The following BMP6 variants were observed in gnomAD, a reference collection of about 807,000 sequenced individuals.
BMP6 encodes the protein bone morphogenetic protein 6, also known as VG-1-R.
Under a neutral mutation model 54.1 loss-of-function variants are expected in BMP6, and 17 were observed. That is an observed-to-expected ratio of 0.31 (90% CI 0.22 to 0.47). BMP6 has a LOEUF of 0.47. Ranked by LOEUF, BMP6 falls within the 20% of genes least tolerant of loss-of-function variation. BMP6 has a pLI of 1.00. For synonymous variants in BMP6, 328 were observed against 291.2 expected (o/e 1.13, Z -1.28); for missense variants, 720 against 690.4 (o/e 1.04, Z -0.48).
intron 1 of BMP6, among the ~76,000 whole-genome samples, chr6:7,831,607 A>G (rs1444037218): frequency 6.6e-6 from 1 of 152,208 alleles, no homozygotes; most frequent in East Asian, 1.9e-4. Context: ...AAGTAATTTG[A>G]GTAGATTAAT....
intron 1 of BMP6, among the ~76,000 whole-genome samples, chr6:7,804,357 G>A (rs998278895): frequency 1.3e-5 from 2 of 151,756 alleles, no homozygotes; most frequent in African/African-American, 2.4e-5. Context: ...TTAGCCATCT[G>A]GCCATGCAAA....
Position 7,880,480 on chromosome 6 carries a change from G to A in BMP6, c.*137G>A, listed in dbSNP as rs1055560443. The A allele has an allele frequency of 1.7e-5, 21 of 1,229,342 alleles. 1 individual carries two copies. Among genetic ancestry groups the A allele is most frequent in the South Asian group, 1.6e-4 (11 of 68,974 alleles). The allele number at this position is 1,229,342 out of a possible 1,614,324, so 76.2% of individuals were successfully genotyped here. A position where few individuals can be genotyped will look rare whatever the true frequency, so the allele number is the denominator to read the frequency against. On this transcript the variant is annotated 3_prime_UTR_variant, in exon 7 of 7. Coordinates refer to ENST00000283147, the MANE Select transcript of BMP6 (RefSeq NM_001718.6). ...TCTCATGCCAGTGCCTTATTACCCA[G>A]GAAGATTTTAAAGGACCTCATTAAT...
intron 1 of BMP6, among the ~76,000 whole-genome samples, chr6:7,807,522 G>A (rs563348679): frequency 9.5e-4 from 144 of 152,120 alleles, no homozygotes; most frequent in African/African-American, 3.3e-3. Context: ...CTAGTGATCC[G>A]CCCACCTTGG....
chr6:7,782,355 G>A (rs1238491596), intron 1 of BMP6, among the ~76,000 whole-genome samples: 1 of 152,208 alleles, frequency 6.6e-6, no homozygotes, highest in African/African-American at 2.4e-5. Flanking sequence ...TTGGTTGACA[G>A]AGTTCTGGAG....
At chr6:7,834,492 ACAAAC>A (rs1758842521) in intron 1 of BMP6, among the ~76,000 whole-genome samples, 1 of 151,830 alleles carries the variant, frequency 6.6e-6, no homozygotes, top group Admixed American at 6.6e-5. Flanking sequence ...AAATGACAGC[ACAAAC>A]CAAACAAAAA....
chr6:7,738,846 G>A (rs1335734769), intron 1 of BMP6, among the ~76,000 whole-genome samples: 2 of 152,198 alleles, frequency 1.3e-5, no homozygotes, highest in Non-Finnish European at 2.9e-5. Context: ...AGCATCTCCT[G>A]TGCTAGGGAA....
intron 1 of BMP6, among the ~76,000 whole-genome samples, chr6:7,820,815 G>C (rs942205848): frequency 2.4e-4 from 36 of 152,168 alleles, no homozygotes; most frequent in Non-Finnish European, 4.7e-4. Flanking sequence ...CAGGTGGGGA[G>C]GGGGGTGGTT....
chr6:7,727,099 G>A lies in BMP6; in HGVS notation c.144G>A (p.Gly48=), dbSNP rs1761740867. ...AAGGQLLGDG[G]SPGRTEQPPP... ...GGGGGCAGCTGCTGGGGGACGGCGG[G>A]AGCCCCGGCCGCACGGAGCAGCCGC... The change falls in exon 1 of 7, where the codon GGG becomes GGA. Residue 48 remains glycine (G), a synonymous_variant. Transcript: ENST00000283147. 7.2e-7 allele frequency: 1 copy of A among 1,379,452 alleles called. No homozygotes were observed. The highest frequency in any genetic ancestry group is 9.4e-7 in the Non-Finnish European group (1 of 1,064,104). The allele number at this position is 1,379,452 out of a possible 1,614,324, so 85.5% of individuals were successfully genotyped here. A position where few individuals can be genotyped will look rare whatever the true frequency, so the allele number is the denominator to read the frequency against.
intron 1 of BMP6, among the ~76,000 whole-genome samples, chr6:7,832,208 A>T (rs894754113): frequency 6.6e-6 from 1 of 152,210 alleles, no homozygotes; most frequent in Non-Finnish European, 1.5e-5. Context: ...TTAAAGGAAG[A>T]TTTAAAATAT....
intron 1 of BMP6, among the ~76,000 whole-genome samples, chr6:7,804,871 CCAACGCTTTCTACAA>C (rs1758325553): frequency 7.0e-6 from 1 of 143,130 alleles, no homozygotes; most frequent in South Asian, 2.2e-4. Flanking sequence ...AGAATATTTT[CCAACGCTTTCTACAA>C]CTGATTTTTT....
intron 4 of BMP6, among the ~76,000 whole-genome samples, chr6:7,873,292 G>A (rs1759558354): frequency 6.6e-6 from 1 of 152,086 alleles, no homozygotes; most frequent in Admixed American, 6.6e-5. Flanking sequence ...TAATTTGCTG[G>A]AACAATTCAC....
intron 1 of BMP6, among the ~76,000 whole-genome samples, chr6:7,756,227 A>T (rs1185251619): frequency 6.6e-6 from 1 of 151,666 alleles, no homozygotes; most frequent in Non-Finnish European, 1.5e-5. Context: ...GTGTTGTCTC[A>T]TTTGGGCAAG....
intron 1 of BMP6, among the ~76,000 whole-genome samples, chr6:7,759,944 A>G (rs1757586688): frequency 6.6e-6 from 1 of 151,694 alleles, no homozygotes; most frequent in African/African-American, 2.4e-5. Flanking sequence ...ACCTCAGGTG[A>G]TCTGCCTACC....
intron 1 of BMP6, among the ~76,000 whole-genome samples, chr6:7,766,781 G>A (rs1433337827): frequency 1.3e-5 from 2 of 152,022 alleles, no homozygotes; most frequent in African/African-American, 4.8e-5. Context: ...TGTCTTCATG[G>A]TACATGTGAA....
chr6:7,876,647 C>G (rs973901904), intron 4 of BMP6, among the ~76,000 whole-genome samples: 4 of 152,210 alleles, frequency 2.6e-5, no homozygotes, highest in African/African-American at 7.2e-5. Flanking sequence ...TATAACTAAT[C>G]TGTTAAGTAA....
chr6:7,813,086 CAAAAAAAAA>C (rs61656035), intron 1 of BMP6, among the ~76,000 whole-genome samples: 4 of 4,386 alleles, frequency 9.1e-4, no homozygotes, highest in African/African-American at 5.3e-3. Flanking sequence ...CCTGTCTCTA[CAAAAAAAAA>C]AAAAAAAAAA....
Position 7,845,274 on chromosome 6 carries a change from T to A in BMP6, c.799T>A (p.Phe267Ile). The part of the protein sequence containing the change: ...RIYKDCVMGS[F>I]KNQTFLISIY... ...CTACAAGGACTGTGTTATGGGGAGT[T>A]TTAAAAACCAAACTTTTCTTATCAG... Residue 267 changes from phenylalanine (F) to isoleucine (I), a missense_variant, in exon 2 of 7, where the codon TTT (phenylalanine) becomes ATT (isoleucine). Around this residue, in one of 3 missense-constraint regions of BMP6, gnomAD observed 650 missense variants for 556.3 expected, o/e 1.17. Transcript: ENST00000283147. 1 of 1,614,128 alleles carries A rather than the reference T, an allele frequency of 6.2e-7. No homozygotes were observed. The highest frequency in any genetic ancestry group is 1.1e-5 in the South Asian group (1 of 91,086).
chr6:7,861,893 C>T (rs540502389), intron 3 of BMP6, among the ~76,000 whole-genome samples: 16 of 152,216 alleles, frequency 1.1e-4, no homozygotes, highest in Non-Finnish European at 1.6e-4. Flanking sequence ...GGGGATGCAG[C>T]GAGTAAGAGA....
chr6:7,754,185 A>T (rs1757472531), intron 1 of BMP6, among the ~76,000 whole-genome samples: 1 of 151,936 alleles, frequency 6.6e-6, no homozygotes, highest in Non-Finnish European at 1.5e-5. Flanking sequence ...TGGTGCAATC[A>T]CAGCTCACTG....
Sources: allele counts gnomAD v4.1 joint callset (sites outside exome capture counted in the v4.1 genomes callset), GRCh38; gene constraint gnomAD v4.1.1; regional missense constraint gnomAD v4.1.1; transcripts MANE v1.5; gene names NCBI Gene and HGNC (gene_info 2026-07-23, HGNC 2026-07-21).